The following NAV1 variants were observed in gnomAD, a reference collection of about 807,000 sequenced individuals.
NAV1 encodes pore membrane and/or filament interacting like protein 3.
In NAV1, 18 loss-of-function variants were observed where a neutral mutation model predicts 175.2. The observed-to-expected ratio is 0.10, with a 90% CI of 0.07 to 0.15. The LOEUF (loss-of-function observed/expected upper bound fraction) is 0.15, where lower values mean the gene tolerates loss of function less well. Among genes scored for constraint, NAV1 ranks in the 10% least tolerant of loss-of-function variants. The probability of loss-of-function intolerance (pLI) is 1.00; values close to 1 mark genes in which losing one functional copy is unlikely to be tolerated. For missense variants in NAV1, 1,731 were observed against 2,436.6 expected (o/e 0.71, Z 6.10); for synonymous variants, 897 against 978.7 (o/e 0.92, Z 1.56).
Position 201,685,087 on chromosome 1 carries a change from C to A in NAV1, c.758-27730C>A, listed in dbSNP as rs1045003141. On this transcript the variant is annotated intron_variant, in intron 1 of 29. Coordinates refer to ENST00000367296, the Ensembl canonical transcript of NAV1. ...GAGGTCAGAAATTCGCACTGGCCAA[C>A]ATGGTGAAACTCCATATCTACTAAA... 7.3e-5 allele frequency among the ~76,000 whole-genome samples: 11 copies of A among 150,868 alleles called. No homozygotes were observed. In the East Asian group the frequency reaches 1.6e-3, roughly 22 times the overall value.
At chr1:201,609,695 C>G (rs1228234324) in intron 2 of NAV1, among the ~76,000 whole-genome samples, 2 of 152,156 alleles carry the variant, frequency 1.3e-5, no homozygotes, top group African/African-American at 4.8e-5. Context: ...TTCACAGGCT[C>G]AAGTTTCTGT....
In NAV1 at chr1:201,808,348, GC is replaced by G; in HGVS notation, c.3846-68del. 6.6e-7 allele frequency: 1 copy of G among 1,518,652 alleles called. No individual in the cohort carries two copies. Among genetic ancestry groups the G allele is most frequent in the Non-Finnish European group, 8.9e-7 (1 of 1,127,218 alleles). 94.1% of individuals were successfully genotyped at this position (1,518,652 alleles called of 1,614,324 possible). ...AGGAGAAGCCAAGACCACCAACCAT[GC>G]CTCTCAATATTCTCTAGTAACTCTA... is the stretch of plus-strand genomic sequence containing the variant. On this transcript the variant is annotated intron_variant, in intron 18 of 29. Transcript: ENST00000367296. The surrounding 1 kb of genome is among the most constrained non-coding windows in gnomAD (Gnocchi z 5.5).
intron 16 of NAV1, chr1:201,804,132 T>G: frequency 2.2e-6 from 1 of 449,128 alleles, no homozygotes; most frequent in Non-Finnish European, 4.1e-6. Context: ...TTTTTGGGGA[T>G]GTTTTGTGGA....
intron 3 of NAV1, among the ~76,000 whole-genome samples, chr1:201,770,092 T>C (rs1415239004): frequency 1.3e-5 from 2 of 152,176 alleles, no homozygotes; most frequent in Admixed American, 6.5e-5. Flanking sequence ...TCAAGTTCCA[T>C]GGAATAGCTG....
intron 1 of NAV1, among the ~76,000 whole-genome samples, chr1:201,558,835 A>G (rs1666113677): frequency 6.6e-6 from 1 of 152,202 alleles, no homozygotes; most frequent in East Asian, 1.9e-4. Context: ...GGAAGGAATC[A>G]AAAGCAATTG....
At chr1:201,695,058 T>C (rs1015221087) in intron 1 of NAV1, among the ~76,000 whole-genome samples, 1 of 152,242 alleles carries the variant, frequency 6.6e-6, no homozygotes, top group Non-Finnish European at 1.5e-5. Context: ...CTCATGTCGC[T>C]TGTCCACTGC....
Position 201,812,422 on chromosome 1 carries a change from C to A in NAV1, c.5025-43C>A. 1 of 1,575,778 alleles carries A rather than the reference C, an allele frequency of 6.3e-7. No homozygotes were observed. Among genetic ancestry groups the A allele is most frequent in the African/African-American group, 1.3e-5 (1 of 74,384 alleles). Reference sequence around the variant, plus strand: ...GCAGGGGCTGAACCCTGACAATGTCCCCATTGCCACTCTGACCCCACTTTC... The same window carrying A: ...GCAGGGGCTGAACCCTGACAATGTCACCATTGCCACTCTGACCCCACTTTC... On this transcript the variant is annotated intron_variant, in intron 26 of 29. Transcript: ENST00000367296. The surrounding 1 kb of genome is among the most constrained non-coding windows in gnomAD (Gnocchi z 4.6).
At chr1:201,587,075 G>A (rs1157268117) in intron 1 of NAV1, among the ~76,000 whole-genome samples, 1 of 152,078 alleles carries the variant, frequency 6.6e-6, no homozygotes, top group African/African-American at 2.4e-5. Flanking sequence ...GCCAGGCGTG[G>A]TGGTGCGCAC....
intron 2 of NAV1, among the ~76,000 whole-genome samples, chr1:201,631,382 A>G (rs1308497837): frequency 2.0e-5 from 3 of 152,164 alleles, no homozygotes; most frequent in Non-Finnish European, 4.4e-5. Context: ...TTGCCCTCTC[A>G]CTCCCAAAGT....
At chr1:201,665,585 A>ATAGGTGGGCAGATAGCACCC (rs1558049625) in intron 1 of NAV1, among the ~76,000 whole-genome samples, 2 of 105,438 alleles carry the variant, frequency 1.9e-5, no homozygotes, top group African/African-American at 7.6e-5. Flanking sequence ...GGGCAAGAGC[A>ATAGGTGGGCAGATAGCACCC]CCCCACCCCC....
At chr1:201,773,389 G>A (rs1024247446) in intron 3 of NAV1, among the ~76,000 whole-genome samples, 1 of 152,128 alleles carries the variant, frequency 6.6e-6, no homozygotes, top group Non-Finnish European at 1.5e-5. Flanking sequence ...GTAACAGAGA[G>A]CTAATGAAGG....
chr1:201,551,577 TG>T lies in NAV1; in HGVS notation c.-144+12236del, dbSNP rs545296104. 1.3e-4 allele frequency among the ~76,000 whole-genome samples: 20 copies of T among 152,348 alleles called. No individual in the cohort carries two copies. In the East Asian group the frequency reaches 3.9e-3, roughly 29 times the overall value. On this transcript the variant is annotated intron_variant, in intron 1 of 33. Transcript: ENST00000685211. ...AGAACTTAACCACAGACATCATGTCTGTTATACAAATGCAGAAATCATATTG... is the reference window on the plus strand; with the variant it reads ...AGAACTTAACCACAGACATCATGTCTTTATACAAATGCAGAAATCATATTG...
chr1:201,659,872 C>T (rs1447178472), intron 1 of NAV1, among the ~76,000 whole-genome samples: 1 of 152,148 alleles, frequency 6.6e-6, no homozygotes, highest in Non-Finnish European at 1.5e-5. Flanking sequence ...CTCTCTGTTC[C>T]TTTAAGATGC....
upstream of NAV1, among the ~76,000 whole-genome samples, chr1:201,645,413 AG>A (rs71564159): frequency 5.2e-5 from 3 of 57,628 alleles, no homozygotes; most frequent in African/African-American, 2.2e-4. Flanking sequence ...GGGTGGGGGG[AG>A]GGGGGAGGGA....
chr1:201,748,372 G>A (rs1411582024), intron 3 of NAV1, among the ~76,000 whole-genome samples: 1 of 152,160 alleles, frequency 6.6e-6, no homozygotes, highest in Admixed American at 6.5e-5. Flanking sequence ...CCCTGGCAAA[G>A]CTGTGCTCCT....
chr1:201,756,811 T>TCTTC (rs1651292113), intron 3 of NAV1, among the ~76,000 whole-genome samples: 1 of 1,634 alleles, frequency 6.1e-4, no homozygotes, highest in African/African-American at 1.2e-3. Context: ...TTTCTTTCCT[T>TCTTC]CTTTCTTTCT....
intron 1 of NAV1, among the ~76,000 whole-genome samples, chr1:201,692,343 G>A (rs182695867): frequency 6.6e-6 from 1 of 152,320 alleles, no homozygotes; most frequent in East Asian, 1.9e-4. Flanking sequence ...ACTGAAAGTA[G>A]GGTGCTCAGG....
At position 201,743,307 on chromosome 1, in the gene NAV1, A is replaced by G. The variant is rs371185566; in HGVS notation, c.1226+24552A>G. Among the ~76,000 whole-genome samples the G allele has an allele frequency of 2.6e-5, 4 of 152,244 alleles. No homozygotes were observed. In the East Asian group the frequency reaches 7.7e-4, roughly 29 times the overall value. ...TAATTGGAGGACTCAGCAAAGGTTT[A>G]GAGTTGGCCTGCGACTTTAGTTGGA... On this transcript the variant is annotated intron_variant, in intron 3 of 29. Transcript: ENST00000367296.
At chr1:201,624,336 CTTTTTTTTTTTTT>C (rs1188885818) in intron 1 of NAV1, among the ~76,000 whole-genome samples, 4 of 79,444 alleles carry the variant, frequency 5.0e-5, no homozygotes, top group African/African-American at 1.6e-4. Context: ...GTCAACTACG[CTTTTTTTTTTTTT>C]TTTTTTTTTT....
Sources: allele counts gnomAD v4.1 joint callset (sites outside exome capture counted in the v4.1 genomes callset), GRCh38; gene constraint gnomAD v4.1.1; non-coding constraint Gnocchi (gnomAD v3.1); transcripts MANE v1.5; gene names NCBI Gene and HGNC (gene_info 2026-07-23, HGNC 2026-07-21).